The following GUCY2F variants were observed in gnomAD, a reference collection of about 807,000 sequenced individuals.
GUCY2F encodes the protein guanylate cyclase 2F, retinal.
A neutral mutation model predicts 73.1 loss-of-function variants in GUCY2F; 61 were observed. The ratio of observed to expected loss-of-function variants is 0.83; its 90% CI spans 0.68 to 1.03. The LOEUF is 1.03. Ranked by LOEUF, GUCY2F falls within the 50% of genes least tolerant of loss-of-function variation. The pLI is 0.00. For synonymous variants in GUCY2F, 331 were observed against 307.8 expected, an observed-to-expected ratio of 1.08 and a Z score of -0.79; for missense variants, 912 against 854.3, an observed-to-expected ratio of 1.07 and a Z score of -0.84.
intron 7 of GUCY2F, among the ~76,000 whole-genome samples, chrX:109,436,794 G>T: frequency 9.2e-6 from 1 of 108,593 alleles, no homozygotes; most frequent in Non-Finnish European, 1.9e-5. Flanking sequence ...GTGGGGTGGG[G>T]GGAGTGGGGA....
chrX:109,394,657 T>C (rs1490842598), intron 12 of GUCY2F, among the ~76,000 whole-genome samples: 1 of 112,208 alleles, frequency 8.9e-6, no homozygotes. Flanking sequence ...ACATTGGAAT[T>C]GCGCCTTAGC....
At chrX:109,466,588 A>G (rs1349717198) in intron 2 of GUCY2F, among the ~76,000 whole-genome samples, 1 of 111,809 alleles carries the variant, frequency 8.9e-6, no homozygotes, top group Non-Finnish European at 1.9e-5. Flanking sequence ...GTTTAGTTTA[A>G]GCCCACTTGT....
At chrX:109,403,641 AC>A (rs1930901765) in intron 10 of GUCY2F, among the ~76,000 whole-genome samples, 1 of 111,803 alleles carries the variant, frequency 8.9e-6, no homozygotes. Flanking sequence ...TTCTTTAAAA[AC>A]CATATATAAC....
intron 2 of GUCY2F, among the ~76,000 whole-genome samples, chrX:109,470,968 T>C (rs775971474): frequency 1.1e-3 from 120 of 112,325 alleles, no homozygotes; most frequent in Non-Finnish European, 2.0e-3. Context: ...TTGGATGACA[T>C]AGTCCATACA....
chrX:109,403,302 C>T (rs1055376533), intron 10 of GUCY2F, among the ~76,000 whole-genome samples: 6 of 110,877 alleles, frequency 5.4e-5, no homozygotes, highest in Non-Finnish European at 1.1e-4. Flanking sequence ...TTAGTGCTAC[C>T]ACTGGTGCAC....
At chrX:109,380,677 C>T (rs192149613) in intron 17 of GUCY2F, among the ~76,000 whole-genome samples, 8 of 111,846 alleles carry the variant, frequency 7.2e-5, no homozygotes, top group African/African-American at 2.6e-4. Flanking sequence ...CATGAAGCTG[C>T]AAAGGGCCCT....
intron 4 of GUCY2F, among the ~76,000 whole-genome samples, 180 bp downstream of exon 4, chrX:109,453,325 A>G (rs1403776893): frequency 9.0e-6 from 1 of 111,335 alleles, no homozygotes; most frequent in Non-Finnish European, 1.9e-5. Context: ...GCTGCAAAGT[A>G]CCTCTCATTG....
chrX:109,463,733 G>A (rs369428450), intron 3 of GUCY2F, among the ~76,000 whole-genome samples: 9 of 111,414 alleles, frequency 8.1e-5, no homozygotes, highest in African/African-American at 1.3e-4. Flanking sequence ...CACCATGCCC[G>A]GCCGATTTCC....
intron 3 of GUCY2F, among the ~76,000 whole-genome samples, chrX:109,461,869 T>G: frequency 8.9e-6 from 1 of 112,462 alleles, no homozygotes; most frequent in East Asian, 2.8e-4. Flanking sequence ...ACATCAGAGG[T>G]GCTCAATAAA....
chrX:109,465,261 G>A lies in GUCY2F; in HGVS notation c.913C>T (p.Arg305Trp), dbSNP rs144172506. 8.2e-5 allele frequency: 99 copies of A among 1,207,721 alleles called. No individual in the cohort carries two copies. The East Asian group carries it at 1.6e-3, about 19-fold the overall frequency. The change falls in exon 3 of 20, where the codon CGG becomes TGG. Residue 305 changes from arginine to tryptophan, a missense_variant. Physicochemically the swap from Arg to Trp is moderately radical, Grantham distance 101 (BLOSUM62 -3). Coordinates refer to ENST00000218006, the MANE Select transcript of GUCY2F (RefSeq NM_001522.3). Reference protein sequence around the residue: ...YRVLRNNPKLREAYDAVLTIT... With the variant: ...YRVLRNNPKLWEAYDAVLTIT... ...GTCAACACTGCATCATAGGCTTCCC[G>A]GAGCTTTGGGTTGTTCCTTAGGACC...
At chrX:109,420,482 G>A (rs892315653) in intron 8 of GUCY2F, among the ~76,000 whole-genome samples, 1 of 110,097 alleles carries the variant, frequency 9.1e-6, no homozygotes, top group Non-Finnish European at 1.9e-5. Context: ...TTGGACAATT[G>A]GACTTCCTTG....
chrX:109,430,140 G>A (rs1931577671), intron 8 of GUCY2F, among the ~76,000 whole-genome samples, 167 bp downstream of exon 8: 1 of 112,167 alleles, frequency 8.9e-6, no homozygotes, highest in East Asian at 2.8e-4. Flanking sequence ...TGACTCCAGA[G>A]CACATACCTT....
chrX:109,374,407 G>A (rs1014996806), intron 19 of GUCY2F, among the ~76,000 whole-genome samples: 2 of 111,834 alleles, frequency 1.8e-5, no homozygotes, highest in Non-Finnish European at 3.8e-5. Context: ...AGGGGTTCCA[G>A]ATGAGTGAAT....
intron 1 of GUCY2F, among the ~76,000 whole-genome samples, chrX:109,480,631 T>A (rs1267129993): frequency 1.8e-5 from 2 of 110,930 alleles, no homozygotes; most frequent in Non-Finnish European, 3.8e-5. Flanking sequence ...ACAACACGGG[T>A]CCCTCCTCAG....
chrX:109,394,516 C>G (rs1380233442), intron 12 of GUCY2F, among the ~76,000 whole-genome samples: 1 of 112,031 alleles, frequency 8.9e-6, no homozygotes, highest in Non-Finnish European at 1.9e-5. Context: ...ACCTGCCACT[C>G]ATAAAGCATC....
intron 5 of GUCY2F, among the ~76,000 whole-genome samples, chrX:109,450,068 G>A (rs1200840112): frequency 9.0e-6 from 1 of 110,947 alleles, no homozygotes; most frequent in Non-Finnish European, 1.9e-5. Context: ...GCAAAGAGGG[G>A]GTATCTTTTG....
At position 109,393,033 on chromosome X, in the gene GUCY2F, T is replaced by C. The variant is rs748737240; in HGVS notation, c.2447A>G (p.Lys816Arg). The change falls in exon 13 of 20, where the codon AAG (lysine) becomes AGG (arginine). Residue 816 changes from lysine (K) to arginine (R), a missense_variant. Coordinates refer to ENST00000218006, the MANE Select transcript of GUCY2F (RefSeq NM_001522.3). ...CATAGAATCAATAATATTGGTCTTC[T>C]TCCCTTTATTAAAAGTTTTAAACTG... ...FNQFKTFNKG[K>R]KTNIIDSMLR... The C allele has an allele frequency of 1.8e-6, 2 of 1,096,439 alleles. No individual in the cohort carries two copies. The highest frequency in any genetic ancestry group is 3.8e-5 in the South Asian group (2 of 52,539). 90.4% of individuals were successfully genotyped at this position (1,096,439 alleles called of 1,213,427 possible).
chrX:109,385,223 T>C lies in GUCY2F; in HGVS notation c.3016A>G (p.Thr1006Ala). The C allele has an allele frequency of 2.5e-6, 3 of 1,192,406 alleles. No individual in the cohort carries two copies. Among genetic ancestry groups the C allele is most frequent in the Non-Finnish European group, 3.4e-6 (3 of 879,567 alleles). Residue 1006 changes from threonine (T) to alanine (A), a missense_variant, in exon 16 of 20, where the codon ACT becomes GCT. By Grantham distance (58) the Thr-to-Ala change is moderately conservative (BLOSUM62 0). Transcript: ENST00000218006. ...TMPRYCLFGD[T>A]VNTASRMEST... Reference sequence around the variant, plus strand: ...TCCATCCGAGAAGCTGTGTTCACAGTGTCTCCAAACAAGCAGTATCTGGGC... The same window carrying C: ...TCCATCCGAGAAGCTGTGTTCACAGCGTCTCCAAACAAGCAGTATCTGGGC...
chrX:109,395,317 A>G, intron 12 of GUCY2F, 24 bp downstream of exon 12: 3 of 1,182,532 alleles, frequency 2.5e-6, no homozygotes, highest in Non-Finnish European at 3.4e-6. Context: ...GCTCCTGGGC[A>G]ATGATAAGAT....
Sources: allele counts gnomAD v4.1 joint callset (sites outside exome capture counted in the v4.1 genomes callset), GRCh38; gene constraint gnomAD v4.1.1; transcripts MANE v1.5; gene names NCBI Gene and HGNC (gene_info 2026-07-23, HGNC 2026-07-21).